Variants in CNTNAP5 observed in about 807,000 individuals in gnomAD.
CNTNAP5 encodes the protein contactin associated protein family member 5.
A neutral mutation model predicts 150.2 loss-of-function variants in CNTNAP5; 72 were observed. That is an observed-to-expected ratio of 0.48 (90% CI 0.40 to 0.58). CNTNAP5 has a LOEUF of 0.58. Among genes scored for constraint, CNTNAP5 ranks in the 20% least tolerant of loss-of-function variants. CNTNAP5 has a pLI of 0.00. For synonymous variants in CNTNAP5, 672 were observed against 619.8 expected, an observed-to-expected ratio of 1.08 and a Z score of -1.25; for missense variants, 1,636 against 1,626.2, an observed-to-expected ratio of 1.01 and a Z score of -0.10.
intron 1 of CNTNAP5, among the ~76,000 whole-genome samples, chr2:124,162,173 G>A (rs981461451): frequency 1.3e-5 from 2 of 152,126 alleles, no homozygotes; most frequent in African/African-American, 4.8e-5. Flanking sequence ...TGCGCTTTAA[G>A]TTCATGCTGC....
At chr2:124,594,081 C>A (rs569658261) in intron 11 of CNTNAP5, among the ~76,000 whole-genome samples, 1,857 of 120,522 alleles carry the variant, frequency 0.015, 15 homozygotes, top group Middle Eastern at 0.031. Flanking sequence ...TCCCATGTTG[C>A]AGGTTGCCTG....
intron 3 of CNTNAP5, among the ~76,000 whole-genome samples, chr2:124,294,173 C>T (rs1402715988): frequency 6.8e-6 from 1 of 147,872 alleles, no homozygotes; most frequent in Non-Finnish European, 1.5e-5. Context: ...AATTATGCTA[C>T]TATCCCACAT....
intron 3 of CNTNAP5, among the ~76,000 whole-genome samples, chr2:124,267,082 CTATTT>C (rs1025732676): frequency 5.3e-5 from 8 of 151,638 alleles, no homozygotes; most frequent in African/African-American, 1.9e-4. Context: ...TGGTAAAACT[CTATTT>C]TAAGATTCAT....
At chr2:124,340,557 T>C (rs1021509864) in intron 3 of CNTNAP5, among the ~76,000 whole-genome samples, 11 of 151,894 alleles carry the variant, frequency 7.2e-5, no homozygotes, top group African/African-American at 2.7e-4. Context: ...AGGTAAAGGG[T>C]AGAACTTCAC....
At chr2:124,396,182 C>T (rs886332601) in intron 3 of CNTNAP5, among the ~76,000 whole-genome samples, 1 of 152,180 alleles carries the variant, frequency 6.6e-6, no homozygotes, top group African/African-American at 2.4e-5. Flanking sequence ...TTGATTCAAA[C>T]ATTGTCAACA....
intron 17 of CNTNAP5, among the ~76,000 whole-genome samples, chr2:124,776,740 T>C (rs1264924431): frequency 1.3e-5 from 2 of 152,190 alleles, no homozygotes; most frequent in African/African-American, 4.8e-5. Flanking sequence ...TCTCTTCACA[T>C]TGAGAAATAA....
At position 124,494,112 on chromosome 2, in the gene CNTNAP5, G is replaced by C. The variant is rs868095551; in HGVS notation, c.1063-10180G>C. 4.1e-5 allele frequency among the ~76,000 whole-genome samples: 6 copies of C among 146,858 alleles called. No homozygotes were observed. In the South Asian group the frequency reaches 1.1e-3, roughly 27 times the overall value. On this transcript the variant is annotated intron_variant, in intron 7 of 23. Coordinates refer to ENST00000682447, the MANE Select transcript of CNTNAP5 (RefSeq NM_001367498.1). ...TGTGTGTGTGCCTGTGTGTGTGGGTGGGGGGGTAGGGGAAATGATTCACAT... is the reference window on the plus strand; with the variant it reads ...TGTGTGTGTGCCTGTGTGTGTGGGTCGGGGGGTAGGGGAAATGATTCACAT...
In CNTNAP5 at chr2:124,635,489, T is replaced by C. The variant is rs189445126; in HGVS notation, c.1877-12269T>C. Among the ~76,000 whole-genome samples, 440 of 152,240 alleles carry C rather than the reference T, an allele frequency of 2.9e-3. 1 individual carries two copies. Among genetic ancestry groups the C allele is most frequent in the Non-Finnish European group, 5.4e-3 (368 of 68,004 alleles). On this transcript the variant is annotated intron_variant, in intron 12 of 23. Coordinates refer to ENST00000682447, the MANE Select transcript of CNTNAP5 (RefSeq NM_001367498.1). ...GGGAAACCGGAGGAAAGACAAGCCT[T>C]GTTGAGCTCAGCAGGATCATGAATG... is the stretch of plus-strand genomic sequence containing the variant.
chr2:124,408,966 G>T (rs1428784778), intron 3 of CNTNAP5, among the ~76,000 whole-genome samples: 8 of 149,646 alleles, frequency 5.3e-5, no homozygotes, highest in African/African-American at 1.7e-4. Context: ...CAAACCAAAG[G>T]CAAAGAAGTT....
intron 3 of CNTNAP5, among the ~76,000 whole-genome samples, chr2:124,345,782 T>A (rs531033330): frequency 7.9e-4 from 121 of 152,308 alleles, no homozygotes; most frequent in Middle Eastern, 6.8e-3. Context: ...TCTTCCCATA[T>A]TCAGCAAAAT....
intron 14 of CNTNAP5, among the ~76,000 whole-genome samples, chr2:124,751,864 T>C (rs2105150784): frequency 6.6e-6 from 1 of 152,362 alleles, no homozygotes; most frequent in Non-Finnish European, 1.5e-5. Flanking sequence ...CTTAATATTT[T>C]ATATACTGTA....
At chr2:124,253,988 C>T (rs1159576855) in intron 3 of CNTNAP5, among the ~76,000 whole-genome samples, 1 of 151,942 alleles carries the variant, frequency 6.6e-6, no homozygotes, top group Non-Finnish European at 1.5e-5. Context: ...TGGATTTAGG[C>T]AAATCTGAGT....
At chr2:124,512,999 A>C (rs982115734) in intron 8 of CNTNAP5, among the ~76,000 whole-genome samples, 1 of 152,224 alleles carries the variant, frequency 6.6e-6, no homozygotes, top group Non-Finnish European at 1.5e-5. Context: ...AAACCTTTCC[A>C]AGGCAGGCCA....
At chr2:124,078,286 T>G (rs12465377) in intron 1 of CNTNAP5, among the ~76,000 whole-genome samples, 42,611 of 152,100 alleles carry the variant, frequency 0.28, 6,383 homozygotes, top group Admixed American at 0.36. Context: ...CTGAACATCT[T>G]TCTACATCTG....
chr2:124,813,505 G>C (rs529687564), intron 19 of CNTNAP5, among the ~76,000 whole-genome samples: 1 of 151,378 alleles, frequency 6.6e-6, no homozygotes, highest in African/African-American at 2.4e-5. Flanking sequence ...TATATGCCTA[G>C]CTTGGGTAGA....
At chr2:124,599,882 G>A (rs972012669) in intron 11 of CNTNAP5, among the ~76,000 whole-genome samples, 7 of 151,588 alleles carry the variant, frequency 4.6e-5, no homozygotes, top group African/African-American at 7.3e-5. Context: ...GGAACAGGTC[G>A]ATTTAAATTT....
At chr2:124,419,970 C>CTCTCTCTT (rs139642632) in intron 4 of CNTNAP5, among the ~76,000 whole-genome samples, 45,233 of 62,268 alleles carry the variant, frequency 0.73, 17,509 homozygotes, top group East Asian at 0.89. Context: ...TTCTCTCTCT[C>CTCTCTCTT]TCTTTCTTTC....
intron 3 of CNTNAP5, among the ~76,000 whole-genome samples, chr2:124,398,213 C>A (rs1691307316): frequency 6.6e-6 from 1 of 152,118 alleles, no homozygotes; most frequent in South Asian, 2.1e-4. Context: ...AGGAGACCAA[C>A]CTAAATACAG....
intron 2 of CNTNAP5, among the ~76,000 whole-genome samples, chr2:124,238,191 G>A (rs1316492505): frequency 6.6e-6 from 1 of 152,160 alleles, no homozygotes; most frequent in Non-Finnish European, 1.5e-5. Context: ...GAGGCCGCTT[G>A]TAGCCCAGGG....
Sources: allele counts gnomAD v4.1 joint callset (sites outside exome capture counted in the v4.1 genomes callset), GRCh38; gene constraint gnomAD v4.1.1; transcripts MANE v1.5; gene names NCBI Gene and HGNC (gene_info 2026-07-23, HGNC 2026-07-21).